The following SCN8A variants were observed in gnomAD, a reference collection of about 807,000 sequenced individuals.
SCN8A encodes the protein sodium channel protein type 8 subunit alpha.
A neutral mutation model predicts 184.1 loss-of-function variants in SCN8A; 30 were observed. The ratio of observed to expected loss-of-function variants is 0.16; its 90% confidence interval spans 0.12 to 0.22. The LOEUF (loss-of-function observed/expected upper bound fraction) is 0.22, where lower values mean the gene tolerates loss of function less well. SCN8A is among the 10% of genes least tolerant of loss of function. SCN8A has a pLI of 1.00. For synonymous variants in SCN8A, 852 were observed against 907.0 expected, an observed-to-expected ratio of 0.94 and a Z score of 1.09; for missense variants, 1,057 against 2,498.9, an observed-to-expected ratio of 0.42 and a Z score of 12.30.
intron 12 of SCN8A, among the ~76,000 whole-genome samples, chr12:51,724,433 G>A (rs1942124040): frequency 6.6e-6 from 1 of 152,112 alleles, no homozygotes; most frequent in Admixed American, 6.5e-5. Context: ...GGCAAGAAGA[G>A]CAACACTCTT....
chr12:51,723,945 T>TA (rs1942115717), intron 12 of SCN8A, among the ~76,000 whole-genome samples: 1 of 152,168 alleles, frequency 6.6e-6, no homozygotes, highest in Non-Finnish European at 1.5e-5. Flanking sequence ...CTTTGGGTCT[T>TA]ACAGCTCATC....
rs775255731 is a variant in SCN8A, at chr12:51,662,773, G to C, written c.-45G>C. On this transcript the variant is annotated 5_prime_UTR_variant, in exon 2 of 27. Transcript: ENST00000627620. ...TTGCTGTTTCTTCCAGAGCTGACCT[G>C]TCCTGGACGCAGCATAACTAACGAA... The C allele has an allele frequency of 1.9e-5, 31 of 1,601,212 alleles. No homozygotes were observed. The Middle Eastern group carries it at 5.4e-4, about 28-fold the overall frequency.
Position 51,810,211 on chromosome 12 carries a change from A to G in SCN8A, c.*2782A>G. On this transcript the variant is annotated 3_prime_UTR_variant, in exon 27 of 27. Transcript: ENST00000627620. ...TATCTGGCACCCATCAGCCAGCCTC[A>G]TAGGAAAGAAGCCACCTCCGCTGTA... 1.2e-5 allele frequency: 3 copies of G among 247,750 alleles called. No homozygotes were observed. The highest frequency in any genetic ancestry group is 1.1e-4 in the South Asian group (3 of 27,854). The allele number at this position is 247,750 out of a possible 1,614,324, so 15.3% of individuals were successfully genotyped here. A position where few individuals can be genotyped will look rare whatever the true frequency, so the allele number is the denominator to read the frequency against.
chr12:51,610,974 C>T (rs1939708398), intron 1 of SCN8A, among the ~76,000 whole-genome samples: 1 of 152,168 alleles, frequency 6.6e-6, no homozygotes, highest in Admixed American at 6.5e-5. Flanking sequence ...ATTTCACAGT[C>T]AGCTTTTATA....
intron 26 of SCN8A, among the ~76,000 whole-genome samples, chr12:51,804,332 T>C (rs559688834): frequency 6.6e-6 from 1 of 152,210 alleles, no homozygotes; most frequent in South Asian, 2.1e-4. Flanking sequence ...CTTTTCTTTT[T>C]TTTTTTTTTT....
chr12:51,669,496 C>G (rs921500767), intron 2 of SCN8A, among the ~76,000 whole-genome samples: 2 of 152,212 alleles, frequency 1.3e-5, no homozygotes, highest in Non-Finnish European at 1.5e-5. Context: ...TTCTTCTGGT[C>G]TCCCTCTCTT....
At chr12:51,781,395 C>T (rs1481282708) in intron 21 of SCN8A, among the ~76,000 whole-genome samples, 1 of 152,104 alleles carries the variant, frequency 6.6e-6, no homozygotes, top group Non-Finnish European at 1.5e-5. Flanking sequence ...AGCTTTTTTC[C>T]TCACCCCCAA....
intron 12 of SCN8A, among the ~76,000 whole-genome samples, chr12:51,734,212 G>A (rs191252169): frequency 2.0e-5 from 3 of 152,144 alleles, no homozygotes; most frequent in Admixed American, 6.5e-5. Context: ...AGACCAGCTC[G>A]GTTGGGGAGA....
Position 51,706,600 on chromosome 12 carries a change from A to C in SCN8A, c.1520A>C (p.Glu507Ala), listed in dbSNP as rs371383623. The C allele has an allele frequency of 8.1e-6, 13 of 1,609,118 alleles. No individual in the cohort carries two copies. Among genetic ancestry groups the C allele is most frequent in the Non-Finnish European group, 1.1e-5 (13 of 1,177,550 alleles). The change falls in exon 11 of 27, where the codon GAG (glutamate) becomes GCG (alanine). Residue 507 changes from glutamate (E) to alanine (A), a missense_variant. Glu to Ala is a moderately radical substitution (Grantham distance 107). This residue lies in a region of SCN8A where 322 missense variants were observed against 390.1 expected (regional missense o/e 0.83). Coordinates refer to ENST00000627620, the MANE Select transcript of SCN8A (RefSeq NM_001330260.2). ...AAGCAAAAGGAACTCTCTGAAGGAG[A>C]GGAGAAAGGGGATCCCGAGAAGGTG... ...KRKQKELSEG[E>A]EKGDPEKVFK...
chr12:51,785,796 C>G (rs891745483), intron 21 of SCN8A, among the ~76,000 whole-genome samples: 1 of 152,158 alleles, frequency 6.6e-6, no homozygotes, highest in Admixed American at 6.5e-5. Flanking sequence ...ATTTCTAATA[C>G]ACTGTGATGA....
chr12:51,805,924 G>C (rs1484868933), intron 26 of SCN8A, among the ~76,000 whole-genome samples: 2 of 152,046 alleles, frequency 1.3e-5, no homozygotes, highest in African/African-American at 4.8e-5. Flanking sequence ...CACCTACCAG[G>C]TTCAAGCGAT....
chr12:51,759,679 C>T (rs1296647360), intron 14 of SCN8A, among the ~76,000 whole-genome samples: 1 of 152,162 alleles, frequency 6.6e-6, no homozygotes, highest in African/African-American at 2.4e-5. Context: ...TCTAAGGATC[C>T]TCAACTACCC....
intron 2 of SCN8A, among the ~76,000 whole-genome samples, chr12:51,678,056 G>A (rs1381340952): frequency 5.9e-5 from 9 of 152,230 alleles, no homozygotes; most frequent in Non-Finnish European, 1.2e-4. Context: ...TTGAACGAGA[G>A]AGGACAAATG....
intron 12 of SCN8A, among the ~76,000 whole-genome samples, chr12:51,738,906 G>T (rs1003285405): frequency 1.5e-4 from 23 of 152,168 alleles, no homozygotes; most frequent in Admixed American, 2.0e-4. Flanking sequence ...TACCGGCTGT[G>T]GTGGGGGACA....
chr12:51,594,913 A>G (rs541432026), intron 1 of SCN8A, among the ~76,000 whole-genome samples: 1 of 152,342 alleles, frequency 6.6e-6, no homozygotes, highest in Non-Finnish European at 1.5e-5. Flanking sequence ...TTAGGGACTT[A>G]AACAGATTGT....
intron 1 of SCN8A, among the ~76,000 whole-genome samples, chr12:51,606,727 T>C (rs1841597539): frequency 6.6e-6 from 1 of 152,134 alleles, no homozygotes; most frequent in Non-Finnish European, 1.5e-5. Context: ...GAGCATGGGA[T>C]GTGTTTCCAT....
At chr12:51,728,555 G>A (rs1294418263) in intron 12 of SCN8A, among the ~76,000 whole-genome samples, 1 of 151,948 alleles carries the variant, frequency 6.6e-6, no homozygotes, top group Non-Finnish European at 1.5e-5. Flanking sequence ...GCAACATAGT[G>A]AGACCTCATC....
At chr12:51,793,187 A>G (rs961549248) in intron 25 of SCN8A, among the ~76,000 whole-genome samples, 7 of 152,222 alleles carry the variant, frequency 4.6e-5, no homozygotes, top group African/African-American at 1.7e-4. Flanking sequence ...GTTAGCATAG[A>G]GCCAATAAAA....
At chr12:51,703,657 T>C (rs902251362) in intron 9 of SCN8A, among the ~76,000 whole-genome samples, 2 of 152,224 alleles carry the variant, frequency 1.3e-5, no homozygotes, top group African/African-American at 4.8e-5. Context: ...GTAATGAAGT[T>C]AGTGTAAGTG....
Sources: gnomAD v4.1 joint callset for allele counts (sites outside exome capture counted in the v4.1 genomes callset) on GRCh38, gnomAD v4.1.1 for gene constraint, gnomAD v4.1.1 regional missense constraint, MANE v1.5 for transcripts, NCBI Gene and HGNC (gene_info 2026-07-23, HGNC 2026-07-21) for gene names.